Variants in APBA2 observed in about 807,000 individuals in gnomAD.
APBA2 encodes amyloid-beta A4 precursor protein-binding family A member 2.
In APBA2, 30 loss-of-function variants were observed where a neutral mutation model predicts 75.0. The observed-to-expected ratio is 0.40, with a 90% CI of 0.30 to 0.54. The LOEUF (loss-of-function observed/expected upper bound fraction) is 0.54, where lower values mean the gene tolerates loss of function less well. Among genes scored for constraint, APBA2 ranks in the 20% least tolerant of loss-of-function variants. The pLI is 0.49. For synonymous variants in APBA2, 444 were observed against 409.6 expected, an observed-to-expected ratio of 1.08 and a Z score of -1.01; for missense variants, 801 against 1,016.1, an observed-to-expected ratio of 0.79 and a Z score of 2.88.
intron 3 of APBA2, among the ~76,000 whole-genome samples, chr15:29,049,559 GGACAGCCTATCTCT>G (rs2041499491): frequency 6.6e-6 from 1 of 152,244 alleles, no homozygotes; most frequent in South Asian, 2.1e-4. Context: ...ATCTGGCTGA[GGACAGCCTATCTCT>G]GTCATACCTA....
intron 9 of APBA2, among the ~76,000 whole-genome samples, chr15:29,099,307 A>C (rs59831373): frequency 0.15 from 22,741 of 152,168 alleles, 1,733 homozygotes; most frequent in East Asian, 0.22. Flanking sequence ...GGACTCAGTG[A>C]GCTCACAGCT....
intron 1 of APBA2, among the ~76,000 whole-genome samples, chr15:28,919,684 G>A (rs1462030511): frequency 6.6e-6 from 1 of 152,194 alleles, no homozygotes; most frequent in Non-Finnish European, 1.5e-5. Context: ...GCATCCTGCA[G>A]CTGTCTTGTC....
intron 2 of APBA2, among the ~76,000 whole-genome samples, chr15:28,937,885 C>T (rs2034969304): frequency 6.6e-6 from 1 of 152,172 alleles, no homozygotes; most frequent in Non-Finnish European, 1.5e-5. Context: ...TCTCGATCTC[C>T]TGACCTCGTG....
intron 2 of APBA2, among the ~76,000 whole-genome samples, chr15:28,993,099 C>T (rs951847894): frequency 6.6e-6 from 1 of 152,130 alleles, no homozygotes; most frequent in African/African-American, 2.4e-5. Flanking sequence ...CCTAGGGTTT[C>T]CAAGCCATGT....
At chr15:29,019,760 G>C (rs1357041207) in intron 3 of APBA2, among the ~76,000 whole-genome samples, 1 of 152,206 alleles carries the variant, frequency 6.6e-6, no homozygotes, top group African/African-American at 2.4e-5. Flanking sequence ...CTTTCCTACT[G>C]ATGAACATTT....
chr15:29,025,263 ATTTT>A (rs199811660), intron 3 of APBA2, among the ~76,000 whole-genome samples: 1,808 of 138,066 alleles, frequency 0.013, 39 homozygotes, highest in African/African-American at 0.043. Flanking sequence ...AAGAATTGGG[ATTTT>A]TTTTTTTTTT....
intron 13 of APBA2, among the ~76,000 whole-genome samples, chr15:29,109,854 C>T (rs944859393): frequency 3.9e-5 from 6 of 152,194 alleles, no homozygotes; most frequent in African/African-American, 7.2e-5. Context: ...AAGGTGGGCC[C>T]GCTGGTCCTC....
chr15:28,998,200 CTTTTTTTT>C (rs397937522), intron 3 of APBA2, among the ~76,000 whole-genome samples: 2 of 132,312 alleles, frequency 1.5e-5, no homozygotes, highest in African/African-American at 5.5e-5. Context: ...TCTTCTTTTT[CTTTTTTTT>C]TTTTTTTTGA....
intron 1 of APBA2, among the ~76,000 whole-genome samples, chr15:28,900,131 G>A (rs1725889279): frequency 6.6e-6 from 1 of 152,174 alleles, no homozygotes; most frequent in Admixed American, 6.5e-5. Context: ...CAGAGCCTTT[G>A]TTTGCACCAG....
intron 5 of APBA2, among the ~76,000 whole-genome samples, chr15:29,075,285 G>A (rs1018215105): frequency 3.3e-5 from 5 of 152,106 alleles, no homozygotes; most frequent in Admixed American, 2.0e-4. Flanking sequence ...GGGACCATTG[G>A]TACTACTTAA....
At chr15:28,920,820 T>G (rs2033933859) in intron 1 of APBA2, among the ~76,000 whole-genome samples, 1 of 152,188 alleles carries the variant, frequency 6.6e-6, no homozygotes, top group Non-Finnish European at 1.5e-5. Flanking sequence ...ATCTCAGTGC[T>G]GCCATCATCC....
At chr15:28,946,770 G>T (rs1484289450) in intron 2 of APBA2, among the ~76,000 whole-genome samples, 1 of 152,128 alleles carries the variant, frequency 6.6e-6, no homozygotes, top group Non-Finnish European at 1.5e-5. Flanking sequence ...GTAAAGATAA[G>T]GTCTTGCTAT....
intron 2 of APBA2, among the ~76,000 whole-genome samples, chr15:28,923,322 G>A (rs561370621): frequency 1.3e-5 from 2 of 152,038 alleles, no homozygotes; most frequent in South Asian, 2.1e-4. Context: ...ATATGGGCAC[G>A]CTGCTATTTC....
In APBA2 at chr15:29,046,609, A is replaced by G. The variant is rs1283735745; in HGVS notation, c.-40-7236A>G. On this transcript the variant is annotated intron_variant, in intron 3 of 14. Transcript: ENST00000683413. This position sits in a 1 kb window ranked among gnomAD's most constrained non-coding sequence, Gnocchi z 5.0. ...TTTCAAGTGCAGTCTTTGGACCTCC[A>G]ACATGAGAACCACCTGCAGCTCTAG... Among the ~76,000 whole-genome samples, 1 of 152,240 alleles carries G rather than the reference A, an allele frequency of 6.6e-6. No homozygotes were observed. The highest frequency in any genetic ancestry group is 1.5e-5 in the Non-Finnish European group (1 of 68,048).
rs190263429 is a variant in APBA2, at chr15:28,988,795, A to T, written c.-94-6958A>T. ...TCTGTGAACGTGAGCTGGATTTGTC[A>T]GTATATTTAGCAAGGATTGGAATTG... On this transcript the variant is annotated intron_variant, in intron 2 of 14. Coordinates refer to ENST00000683413, the MANE Select transcript of APBA2 (RefSeq NM_001353788.2). Among the ~76,000 whole-genome samples the T allele has an allele frequency of 1.0e-3, 156 of 152,326 alleles. 3 individuals carry two copies. The East Asian group carries it at 0.027, about 26-fold the overall frequency.
intron 2 of APBA2, among the ~76,000 whole-genome samples, chr15:28,964,850 A>G (rs1391523303): frequency 6.6e-6 from 1 of 151,978 alleles, no homozygotes; most frequent in East Asian, 1.9e-4. Flanking sequence ...GGCTGTTTAT[A>G]TATTCTAGAT....
intron 1 of APBA2, among the ~76,000 whole-genome samples, chr15:28,898,406 A>C (rs754834711): frequency 2.0e-4 from 30 of 152,196 alleles, no homozygotes; most frequent in Non-Finnish European, 3.5e-4. Flanking sequence ...GCAGGCCGAG[A>C]ATGAGCACTC....
chr15:28,921,316 C>G (rs907055935), intron 1 of APBA2, among the ~76,000 whole-genome samples: 1 of 152,230 alleles, frequency 6.6e-6, no homozygotes, highest in African/African-American at 2.4e-5. Context: ...TCCCCACAAG[C>G]TTAGCATGCA....
At chr15:29,078,363 A>G (rs1382351437) in intron 6 of APBA2, among the ~76,000 whole-genome samples, 1 of 152,142 alleles carries the variant, frequency 6.6e-6, no homozygotes, top group Non-Finnish European at 1.5e-5. Context: ...CTGTAATCCC[A>G]GCACTTTGGG....
Sources: allele counts gnomAD v4.1 joint callset (sites outside exome capture counted in the v4.1 genomes callset), GRCh38; gene constraint gnomAD v4.1.1; non-coding constraint Gnocchi (gnomAD v3.1); transcripts MANE v1.5; gene names NCBI Gene and HGNC (gene_info 2026-07-23, HGNC 2026-07-21).